The following TBC1D22A variants were observed in gnomAD, a reference collection of about 807,000 sequenced individuals.
TBC1D22A encodes the protein putative GTPase activator.
In TBC1D22A, 38 loss-of-function variants were observed where a neutral mutation model predicts 60.2. The observed-to-expected ratio is 0.63, with a 90% CI of 0.49 to 0.83. TBC1D22A has a LOEUF of 0.83. Among genes scored for constraint, TBC1D22A ranks in the 40% least tolerant of loss-of-function variants. The pLI, the probability that TBC1D22A is intolerant of heterozygous loss-of-function variation, is 0.00. For missense variants in TBC1D22A, 628 were observed against 701.0 expected (o/e 0.90, Z 1.18); for synonymous variants, 302 against 281.7 (o/e 1.07, Z -0.72).
chr22:47,054,233 G>A (rs1181282854), intron 11 of TBC1D22A, among the ~76,000 whole-genome samples: 1 of 152,244 alleles, frequency 6.6e-6, no homozygotes, highest in Non-Finnish European at 1.5e-5. Flanking sequence ...AAAGCAAGAT[G>A]TTGGTGAGAG....
chr22:46,912,502 G>A (rs569245847), intron 8 of TBC1D22A, among the ~76,000 whole-genome samples: 3 of 152,276 alleles, frequency 2.0e-5, no homozygotes, highest in Admixed American at 2.0e-4. Context: ...AATGGTTTCA[G>A]TCATTCAATC....
chr22:46,959,748 C>T lies in TBC1D22A; in HGVS notation c.1016-14542C>T, dbSNP rs187174989. Among the ~76,000 whole-genome samples the T allele has an allele frequency of 3.7e-4, 57 of 152,270 alleles. 1 individual carries two copies. In the South Asian group the frequency reaches 8.9e-3, roughly 24 times the overall value. ...CTGGCTTTCTGGGCAGCCTGGCACCCGTCAGTTCACTCTTGTCGGGAGGTT... is the reference window on the plus strand; with the variant it reads ...CTGGCTTTCTGGGCAGCCTGGCACCTGTCAGTTCACTCTTGTCGGGAGGTT... On this transcript the variant is annotated intron_variant, in intron 8 of 12. Transcript: ENST00000337137.
intron 1 of TBC1D22A, among the ~76,000 whole-genome samples, chr22:46,780,983 G>A (rs1417099252): frequency 6.6e-6 from 1 of 151,904 alleles, no homozygotes; most frequent in African/African-American, 2.4e-5. Context: ...GACAGCTCTG[G>A]GCACAGTCCT....
intron 10 of TBC1D22A, among the ~76,000 whole-genome samples, chr22:47,004,488 CATGCCTATACACACACACTACTTCACAT>C (rs1218376741): frequency 6.6e-6 from 1 of 150,618 alleles, no homozygotes; most frequent in Non-Finnish European, 1.5e-5. Flanking sequence ...ACCCTGCACA[CATGCCTATACACACACACTACTTCACAT>C]ATGCCTATAC....
chr22:46,915,143 G>T, intron 8 of TBC1D22A: 1 of 334,204 alleles, frequency 3.0e-6, no homozygotes, highest in Non-Finnish European at 5.9e-6. Flanking sequence ...AGGGGTGTGC[G>T]AAACCCCCAG....
chr22:46,904,815 C>G (rs1029479896), intron 7 of TBC1D22A, among the ~76,000 whole-genome samples: 24 of 140,960 alleles, frequency 1.7e-4, no homozygotes, highest in Non-Finnish European at 3.4e-4. Flanking sequence ...TAGTCTGTCA[C>G]CCAGGCTGGA....
chr22:46,769,921 C>G (rs983646091), intron 1 of TBC1D22A, among the ~76,000 whole-genome samples: 1 of 151,856 alleles, frequency 6.6e-6, no homozygotes, highest in African/African-American at 2.4e-5. Flanking sequence ...TGCTGGGGGT[C>G]GAGGTGATCT....
intron 11 of TBC1D22A, among the ~76,000 whole-genome samples, chr22:47,106,657 A>G (rs569476349): frequency 6.6e-6 from 1 of 152,220 alleles, no homozygotes; most frequent in Non-Finnish European, 1.5e-5. Flanking sequence ...GAAGGATAAT[A>G]ATTTCCAAAG....
intron 12 of TBC1D22A, among the ~76,000 whole-genome samples, chr22:47,154,748 A>G (rs1237498689): frequency 6.6e-6 from 1 of 152,228 alleles, no homozygotes; most frequent in Non-Finnish European, 1.5e-5. Flanking sequence ...CCGGGATGCC[A>G]GAAACACAGC....
At chr22:46,953,929 G>A (rs1466395504) in intron 8 of TBC1D22A, among the ~76,000 whole-genome samples, 1 of 152,248 alleles carries the variant, frequency 6.6e-6, no homozygotes, top group Non-Finnish European at 1.5e-5. Context: ...AGGAAGCTGA[G>A]AGTTGATCAG....
At chr22:47,020,269 C>T (rs563814410) in intron 10 of TBC1D22A, among the ~76,000 whole-genome samples, 31 of 152,238 alleles carry the variant, frequency 2.0e-4, no homozygotes, top group African/African-American at 2.2e-4. Flanking sequence ...GACCAGCAGC[C>T]GGTGGTGGGA....
intron 11 of TBC1D22A, among the ~76,000 whole-genome samples, chr22:47,093,735 G>C (rs2065069190): frequency 1.3e-5 from 2 of 152,156 alleles, no homozygotes; most frequent in African/African-American, 4.8e-5. Flanking sequence ...TCACTGTAAT[G>C]GTTAATTTAT....
intron 12 of TBC1D22A, among the ~76,000 whole-genome samples, chr22:47,125,219 T>A (rs5767514): frequency 0.3 from 44,985 of 152,044 alleles, 7,374 homozygotes; most frequent in East Asian, 0.59. Flanking sequence ...CCCCCTGGGT[T>A]CCTCCTCACA....
intron 11 of TBC1D22A, among the ~76,000 whole-genome samples, chr22:47,061,002 C>T (rs962650056): frequency 1.3e-5 from 2 of 152,238 alleles, no homozygotes; most frequent in African/African-American, 4.8e-5. Flanking sequence ...TCAAGGTAAC[C>T]ACCGGAACCG....
At chr22:46,865,789 CTT>C (rs1309661231) in intron 4 of TBC1D22A, among the ~76,000 whole-genome samples, 1 of 152,220 alleles carries the variant, frequency 6.6e-6, no homozygotes, top group Non-Finnish European at 1.5e-5. Flanking sequence ...TTTGCTTACT[CTT>C]TGTTCTGGGG....
chr22:46,885,161 G>A (rs559171405), intron 5 of TBC1D22A, among the ~76,000 whole-genome samples: 8 of 152,332 alleles, frequency 5.3e-5, no homozygotes, highest in Non-Finnish European at 7.4e-5. Flanking sequence ...GCTGAGCAGC[G>A]GGTGGGAGAG....
intron 4 of TBC1D22A, among the ~76,000 whole-genome samples, chr22:46,837,119 T>C (rs902862614): frequency 6.6e-6 from 1 of 152,148 alleles, no homozygotes; most frequent in Non-Finnish European, 1.5e-5. Flanking sequence ...AGCAAGACCC[T>C]GTCTCAAGAA....
intron 4 of TBC1D22A, among the ~76,000 whole-genome samples, chr22:46,827,124 C>T (rs2086103267): frequency 6.6e-6 from 1 of 152,164 alleles, no homozygotes; most frequent in Non-Finnish European, 1.5e-5. Flanking sequence ...ATAAGTGCCA[C>T]GATTCCTCAG....
At chr22:47,086,960 G>A (rs550058642) in intron 11 of TBC1D22A, among the ~76,000 whole-genome samples, 1 of 152,342 alleles carries the variant, frequency 6.6e-6, no homozygotes, top group African/African-American at 2.4e-5. Context: ...ATGTGAAACT[G>A]GCTGAATAAG....
Sources: gnomAD v4.1 joint callset for allele counts (sites outside exome capture counted in the v4.1 genomes callset) on GRCh38, gnomAD v4.1.1 for gene constraint, MANE v1.5 for transcripts, NCBI Gene and HGNC (gene_info 2026-07-23, HGNC 2026-07-21) for gene names.